SYT1: variants seen among roughly 807,000 people sequenced by gnomAD.
SYT1 encodes synaptotagmin 1.
SYT1 carries 8 observed loss-of-function variants against 44.8 expected under a neutral mutation model. That is an observed-to-expected ratio of 0.18 (90% CI 0.10 to 0.32). The LOEUF is 0.32. Among genes scored for constraint, SYT1 ranks in the 10% least tolerant of loss-of-function variants. The probability of loss-of-function intolerance (pLI) is 1.00; values close to 1 mark genes in which losing one functional copy is unlikely to be tolerated. For missense variants in SYT1, 286 were observed against 509.3 expected, an observed-to-expected ratio of 0.56 and a Z score of 4.22; for synonymous variants, 154 against 188.8, an observed-to-expected ratio of 0.82 and a Z score of 1.51.
At chr12:79,117,682 T>TATATATAC (rs1879360390) in intron 3 of SYT1, among the ~76,000 whole-genome samples, 2 of 71,996 alleles carry the variant, frequency 2.8e-5, no homozygotes, top group African/African-American at 5.5e-5. Context: ...TATATATATA[T>TATATATAC]ATATATATAT....
intron 8 of SYT1, among the ~76,000 whole-genome samples, chr12:79,307,463 A>G (rs1880451529): frequency 6.6e-6 from 1 of 152,164 alleles, no homozygotes; most frequent in Non-Finnish European, 1.5e-5. Flanking sequence ...ACAGTGGTGA[A>G]TAAGATAGAC....
At chr12:79,319,199 CAGT>C (rs1237988456) in intron 8 of SYT1, among the ~76,000 whole-genome samples, 1 of 152,126 alleles carries the variant, frequency 6.6e-6, no homozygotes, top group Non-Finnish European at 1.5e-5. Flanking sequence ...TTTTGGTAAA[CAGT>C]GCTCTCTATT....
intron 1 of SYT1, among the ~76,000 whole-genome samples, chr12:78,915,426 CGAA>C (rs1201140610): frequency 2.6e-5 from 4 of 151,670 alleles, no homozygotes; most frequent in African/African-American, 7.3e-5. Context: ...CTGATAGACT[CGAA>C]GGAGGGTGAG....
intron 4 of SYT1, among the ~76,000 whole-genome samples, chr12:79,283,158 A>G (rs1248910203): frequency 6.6e-6 from 1 of 152,142 alleles, no homozygotes; most frequent in African/African-American, 2.4e-5. Flanking sequence ...CAAAATGATA[A>G]CGTTAAGCAT....
chr12:79,010,889 A>G (rs1488802712), intron 2 of SYT1, among the ~76,000 whole-genome samples: 1 of 152,160 alleles, frequency 6.6e-6, no homozygotes, highest in Non-Finnish European at 1.5e-5. Context: ...TTCCTGAGCA[A>G]TCTTGCTCCC....
Position 79,450,244 on chromosome 12 carries a change from AACAG to A in SYT1, c.*1125_*1128del, listed in dbSNP as rs1174511638. ...TATTACACAAAATTACTTTGTGGTA[AACAG>A]ACAGTATTGTAATCCCATCAAAAGA... On this transcript the variant is annotated 3_prime_UTR_variant, in exon 11 of 11. Coordinates refer to ENST00000261205, the MANE Select transcript of SYT1 (RefSeq NM_005639.3). 10 of 152,764 alleles carry A rather than the reference AACAG, an allele frequency of 6.5e-5. No individual in the cohort carries two copies. Among genetic ancestry groups the A allele is most frequent in the East Asian group, 1.9e-4 (1 of 5,190 alleles). 9.5% of individuals were successfully genotyped at this position (152,764 alleles called of 1,614,324 possible). A position where few individuals can be genotyped will look rare whatever the true frequency, so the allele number is the denominator to read the frequency against.
chr12:79,102,539 G>A (rs977418148), intron 3 of SYT1, among the ~76,000 whole-genome samples: 10 of 152,098 alleles, frequency 6.6e-5, no homozygotes, highest in South Asian at 2.1e-4. Context: ...AATGCTGTAT[G>A]GTTCACTTGT....
Position 78,925,380 on chromosome 12 carries a change from A to G in SYT1, c.-216-52419A>G, listed in dbSNP as rs112724006. On this transcript the variant is annotated intron_variant, in intron 1 of 10. Coordinates refer to ENST00000261205, the MANE Select transcript of SYT1 (RefSeq NM_005639.3). ...AGAGTTGTCTTCAGACTCAGAGTAC[A>G]TAGTTCTAATAGTCAAGGTTCATAT... Among the ~76,000 whole-genome samples the G allele has an allele frequency of 1.7e-3, 251 of 152,088 alleles. 1 individual carries two copies. The highest frequency in any genetic ancestry group is 0.01 in the Middle Eastern group (3 of 294).
At chr12:79,243,056 A>G (rs1245808) in intron 4 of SYT1, among the ~76,000 whole-genome samples, 106,334 of 151,984 alleles carry the variant, frequency 0.7, 37,647 homozygotes, top group African/African-American at 0.76. Flanking sequence ...GTGCAGGGGA[A>G]CTGCCCTTTA....
rs747503299 is a variant in SYT1, at chr12:79,243,890, CAGGA to C, written c.166+26227_166+26230del. ...GAAGGAAGGAGGGAAGGAAGGAAGG[CAGGA>C]AGGAAGGAAGGAAGGAAGGAAATAC... On this transcript the variant is annotated intron_variant, in intron 4 of 10. Coordinates refer to ENST00000261205, the MANE Select transcript of SYT1 (RefSeq NM_005639.3). Among the ~76,000 whole-genome samples the C allele has an allele frequency of 3.1e-4, 46 of 148,712 alleles. No individual in the cohort carries two copies. In the East Asian group the frequency reaches 3.4e-3, roughly 11 times the overall value.
intron 4 of SYT1, among the ~76,000 whole-genome samples, chr12:79,256,232 A>G (rs964604880): frequency 5.3e-5 from 8 of 152,374 alleles, no homozygotes; most frequent in Admixed American, 2.0e-4. Context: ...GCCTTTCGGC[A>G]CATATTTTCT....
intron 1 of SYT1, chr12:78,868,726 G>A (rs770424146): frequency 4.0e-5 from 6 of 151,738 alleles, no homozygotes; most frequent in African/African-American, 9.7e-5. Context: ...GAAAGATGAC[G>A]GTGTCTTAGG....
chr12:79,299,643 G>A (rs1880038484), intron 8 of SYT1, 92 bp downstream of exon 8: 4 of 1,464,476 alleles, frequency 2.7e-6, no homozygotes, highest in Non-Finnish European at 3.7e-6. Context: ...CTTTACAAAG[G>A]GGGATGTGGG....
At chr12:79,225,674 C>A (rs896398827) in intron 4 of SYT1, among the ~76,000 whole-genome samples, 6 of 152,144 alleles carry the variant, frequency 3.9e-5, no homozygotes, top group Admixed American at 3.9e-4. Context: ...AAATTCATAT[C>A]TTGGCTTTTA....
At chr12:79,208,322 T>C (rs1370367655) in intron 3 of SYT1, among the ~76,000 whole-genome samples, 3 of 152,152 alleles carry the variant, frequency 2.0e-5, no homozygotes, top group Non-Finnish European at 2.9e-5. Context: ...ATGGTGTGAA[T>C]TGATGTCTTA....
intron 2 of SYT1, chr12:79,045,590 C>G (rs903783946): frequency 1.3e-5 from 2 of 154,336 alleles, no homozygotes; most frequent in African/African-American, 4.8e-5. Flanking sequence ...TTCTGCGTCA[C>G]TCACGCTGGG....
At chr12:79,126,721 C>T (rs556492699) in intron 3 of SYT1, among the ~76,000 whole-genome samples, 12 of 152,290 alleles carry the variant, frequency 7.9e-5, no homozygotes, top group Non-Finnish European at 1.5e-4. Context: ...TACAATAAGA[C>T]AGTGTCCTAG....
chr12:79,073,083 T>C (rs1475326581), intron 3 of SYT1, among the ~76,000 whole-genome samples: 2 of 152,162 alleles, frequency 1.3e-5, no homozygotes, highest in Non-Finnish European at 2.9e-5. Context: ...ATATGTCTGA[T>C]GCAATAGTTA....
chr12:79,272,561 G>A (rs1878487354), intron 4 of SYT1, among the ~76,000 whole-genome samples: 1 of 152,202 alleles, frequency 6.6e-6, no homozygotes, highest in Non-Finnish European at 1.5e-5. Flanking sequence ...AGCTGTTTTG[G>A]AGAACTGGTT....
Sources: gnomAD v4.1 joint callset for allele counts (sites outside exome capture counted in the v4.1 genomes callset) on GRCh38, gnomAD v4.1.1 for gene constraint, MANE v1.5 for transcripts, NCBI Gene and HGNC (gene_info 2026-07-23, HGNC 2026-07-21) for gene names.